Variants in RTKN2 observed in about 807,000 individuals in gnomAD.
RTKN2 encodes rhotekin 2.
Under a neutral mutation model 71.5 loss-of-function variants are expected in RTKN2, and 69 were observed. The ratio of observed to expected loss-of-function variants is 0.96; its 90% confidence interval spans 0.79 to 1.18. The LOEUF (loss-of-function observed/expected upper bound fraction) is 1.18, where lower values mean the gene tolerates loss of function less well. Among genes scored for constraint, RTKN2 ranks in the 50% most tolerant of loss-of-function variants. RTKN2 has a pLI of 0.00. For synonymous variants in RTKN2, 236 were observed against 236.5 expected (o/e 1.00, Z 0.02); for missense variants, 724 against 719.7 (o/e 1.01, Z -0.07).
At chr10:62,191,732 A>G (rs1015727561), downstream of RTKN2, among the ~76,000 whole-genome samples, 1 of 152,202 alleles carries the variant, frequency 6.6e-6, no homozygotes, top group African/African-American at 2.4e-5. Flanking sequence ...ATAAGCCCCA[A>G]TAGTGCCAAA....
At chr10:62,215,172 G>T in intron 9 of RTKN2, 2 of 845,720 alleles carry the variant, frequency 2.4e-6, no homozygotes, top group Non-Finnish European at 1.8e-6. Flanking sequence ...AAAAAAATTA[G>T]TAGGATTTCA....
chr10:62,244,869 T>A (rs935352388), intron 3 of RTKN2, among the ~76,000 whole-genome samples: 24 of 152,166 alleles, frequency 1.6e-4, no homozygotes, highest in Admixed American at 1.3e-3. Context: ...ACGTACTTTG[T>A]AAAATGTAGG....
At chr10:62,189,636 G>A (rs1311069330), downstream of RTKN2, among the ~76,000 whole-genome samples, 1 of 152,258 alleles carries the variant, frequency 6.6e-6, no homozygotes, top group East Asian at 1.9e-4. Flanking sequence ...GACCAGCCTG[G>A]CTAACATGGT....
rs564181443 is a variant in RTKN2 at position 62,198,304 on chromosome 10, A to ATGGT, written c.1430_1433dup (p.His478GlnfsTer16). 1.2e-3 allele frequency: 1,991 copies of ATGGT among 1,613,906 alleles called. 36 individuals are homozygous for ATGGT. In the South Asian group the frequency reaches 0.021, roughly 17 times the overall value. Reference sequence around the variant, plus strand: ...GTACCTTTTTCTGGATGACCATTTGATGGTTACCATCAAAGAGTGTGGCCC... The same window carrying ATGGT: ...GTACCTTTTTCTGGATGACCATTTGATGGTTGGTTACCATCAAAGAGTGTGGCCC... On this transcript the variant is annotated frameshift_variant, in exon 12 of 12. Transcript: ENST00000373789. LOFTEE classifies it high-confidence loss of function.
At chr10:62,215,023 G>A in intron 9 of RTKN2, 1 of 1,376,072 alleles carries the variant, frequency 7.3e-7, no homozygotes, top group Non-Finnish European at 1.0e-6. Context: ...TCCCTGCTTT[G>A]CCTACCTTAA....
At chr10:62,212,732 G>A (rs1177666532) in intron 9 of RTKN2, among the ~76,000 whole-genome samples, 1 of 151,916 alleles carries the variant, frequency 6.6e-6, no homozygotes, top group South Asian at 2.1e-4. Flanking sequence ...AAACCAAAAA[G>A]AAAACGCTAA....
downstream of RTKN2, among the ~76,000 whole-genome samples, chr10:62,190,764 TTC>T (rs1841209709): frequency 6.6e-6 from 1 of 152,162 alleles, no homozygotes; most frequent in Admixed American, 6.5e-5. Flanking sequence ...TCAGCTCTAG[TTC>T]TGATGCCAAC....
chr10:62,266,488 G>C (rs985777786), intron 1 of RTKN2, among the ~76,000 whole-genome samples: 8 of 152,282 alleles, frequency 5.3e-5, no homozygotes, highest in Admixed American at 2.0e-4. Context: ...TTTAAGAATT[G>C]TTTATGTACA....
intron 6 of RTKN2, among the ~76,000 whole-genome samples, chr10:62,226,218 G>C: frequency 6.6e-6 from 1 of 152,168 alleles, no homozygotes; most frequent in Non-Finnish European, 1.5e-5. Flanking sequence ...ATAGAAGACA[G>C]TGATGTCTGA....
intron 6 of RTKN2, among the ~76,000 whole-genome samples, chr10:62,230,656 T>C (rs1313138849): frequency 6.6e-6 from 1 of 152,184 alleles, no homozygotes; most frequent in African/African-American, 2.4e-5. Context: ...GCAGGGCAGA[T>C]ATTTTGTTCC....
chr10:62,220,576 A>T (rs1301608466), intron 7 of RTKN2, among the ~76,000 whole-genome samples: 1 of 152,188 alleles, frequency 6.6e-6, no homozygotes, highest in Admixed American at 6.5e-5. Flanking sequence ...AACACGAAGG[A>T]TACAATGAAA....
intron 2 of RTKN2, among the ~76,000 whole-genome samples, chr10:62,256,796 G>A (rs1301374387): frequency 6.6e-6 from 1 of 152,014 alleles, no homozygotes; most frequent in Non-Finnish European, 1.5e-5. Context: ...TATACATGAT[G>A]TTGATTGTAC....
At chr10:62,265,875 T>A (rs1290678617) in intron 1 of RTKN2, among the ~76,000 whole-genome samples, 1 of 152,104 alleles carries the variant, frequency 6.6e-6, no homozygotes, top group Non-Finnish European at 1.5e-5. Context: ...TCAAAGAAGA[T>A]GAGTAGGGAA....
At chr10:62,263,486 T>C (rs1842814057) in intron 1 of RTKN2, among the ~76,000 whole-genome samples, 1 of 152,246 alleles carries the variant, frequency 6.6e-6, no homozygotes, top group Non-Finnish European at 1.5e-5. Context: ...TCTTGGTCAT[T>C]TGTTATAGCA....
intron 2 of RTKN2, among the ~76,000 whole-genome samples, chr10:62,252,476 T>C (rs1842599611): frequency 6.6e-6 from 1 of 152,090 alleles, no homozygotes; most frequent in Non-Finnish European, 1.5e-5. Flanking sequence ...TTTTGGAAAG[T>C]ACAACGGAAG....
At chr10:62,262,900 T>A in intron 1 of RTKN2, 79 bp from the exon 2 acceptor site, 1 of 817,752 alleles carries the variant, frequency 1.2e-6, no homozygotes, top group Admixed American at 2.8e-5. Context: ...AAAATAGGTA[T>A]CATAATTGTA....
chr10:62,248,167 CTT>C (rs1249705144), intron 2 of RTKN2, among the ~76,000 whole-genome samples: 4 of 152,152 alleles, frequency 2.6e-5, no homozygotes, highest in African/African-American at 9.6e-5. Context: ...GGTAAGCAAA[CTT>C]AGTATACACA....
chr10:62,251,918 T>C (rs1460879819), intron 2 of RTKN2, among the ~76,000 whole-genome samples: 1 of 151,340 alleles, frequency 6.6e-6, no homozygotes, highest in Non-Finnish European at 1.5e-5. Context: ...ACATAGTAAA[T>C]GGGAATGAAA....
At chr10:62,227,114 AG>A (rs1479400719) in intron 6 of RTKN2, among the ~76,000 whole-genome samples, 1 of 152,238 alleles carries the variant, frequency 6.6e-6, no homozygotes, top group East Asian at 1.9e-4. Context: ...TTCATTTGCC[AG>A]GCACTGTTCC....
Sources: allele counts gnomAD v4.1 joint callset (sites outside exome capture counted in the v4.1 genomes callset), GRCh38; gene constraint gnomAD v4.1.1; transcripts MANE v1.5; gene names NCBI Gene and HGNC (gene_info 2026-07-23, HGNC 2026-07-21).